Variants in FAM184B observed in about 807,000 individuals in gnomAD.
The protein encoded by FAM184B is family with sequence similarity 184 member B, also known as protein FAM184B.
In FAM184B, 111 loss-of-function variants were observed where a neutral mutation model predicts 135.9. That is an observed-to-expected ratio of 0.82 (90% CI 0.70 to 0.96). The LOEUF (loss-of-function observed/expected upper bound fraction) is 0.96. Ranked by LOEUF, FAM184B falls within the 40% of genes least tolerant of loss-of-function variation. The pLI is 0.00. For missense variants in FAM184B, 1,375 were observed against 1,323.9 expected, an observed-to-expected ratio of 1.04 and a Z score of -0.60; for synonymous variants, 552 against 524.8, an observed-to-expected ratio of 1.05 and a Z score of -0.71.
At chr4:17,674,995 T>A (rs1487009184) in intron 7 of FAM184B, among the ~76,000 whole-genome samples, 1 of 152,204 alleles carries the variant, frequency 6.6e-6, no homozygotes, top group East Asian at 1.9e-4. Flanking sequence ...TTGTTGTTTT[T>A]TATCTCCTCC....
Position 17,645,264 on chromosome 4 carries a change from G to A in FAM184B, c.2346+2373C>T, listed in dbSNP as rs542976786. ...ATGGATCCAAAAAAGAGCCTGCGTC[G>A]CCAAGTCAATCCTAAGCCAAAAGAA... On this transcript the variant is annotated intron_variant, in intron 12 of 17. Coordinates refer to ENST00000265018, the MANE Select transcript of FAM184B (RefSeq NM_015688.2). 2.4e-4 allele frequency among the ~76,000 whole-genome samples: 37 copies of A among 152,222 alleles called. 1 individual carries two copies. In the South Asian group the frequency reaches 2.7e-3, roughly 11 times the overall value.
intron 1 of FAM184B, among the ~76,000 whole-genome samples, chr4:17,763,201 C>T (rs1718584038): frequency 1.3e-5 from 2 of 152,144 alleles, no homozygotes; most frequent in African/African-American, 4.8e-5. Context: ...GGATACTGGA[C>T]AGTCCTTTTG....
At position 17,664,675 on chromosome 4, in the gene FAM184B, AAAAAG is replaced by A. The variant is rs1476262831; in HGVS notation, c.1597-21_1597-17del. 2.8e-5 allele frequency: 42 copies of A among 1,507,650 alleles called. No homozygotes were observed. In the East Asian group the frequency reaches 4.7e-4, roughly 17 times the overall value. The allele number at this position is 1,507,650 out of a possible 1,614,324, so 93.4% of individuals were successfully genotyped here. On this transcript the variant is annotated splice_polypyrimidine_tract_variant and intron_variant, in intron 7 of 17. Transcript: ENST00000265018. ...AGCATGGATCCTAAGGCCAAAAAAG[AAAAAG>A]AAAAAAAAAAAAAAGGCAAGATGAG...
At chr4:17,684,195 G>A (rs13133394) in intron 7 of FAM184B, among the ~76,000 whole-genome samples, 138,196 of 145,498 alleles carry the variant, frequency 0.95, 65,907 homozygotes, top group East Asian at 1. Flanking sequence ...ATATAAAATA[G>A]TTATATAAAA....
chr4:17,708,709 A>G (rs1217258161), intron 2 of FAM184B, among the ~76,000 whole-genome samples, 183 bp downstream of exon 2: 524 of 38,858 alleles, frequency 0.013, 52 homozygotes, highest in African/African-American at 0.048. Context: ...ATATATATAT[A>G]GTGTCTGTGT....
At chr4:17,664,136 A>C (rs989446400) in intron 8 of FAM184B, among the ~76,000 whole-genome samples, 1 of 152,174 alleles carries the variant, frequency 6.6e-6, no homozygotes, top group Non-Finnish European at 1.5e-5. Context: ...TATGAGCTAA[A>C]TCTTTGATAT....
intron 1 of FAM184B, among the ~76,000 whole-genome samples, chr4:17,720,883 T>TAAAAAAAAAAA (rs59409749): frequency 2.0e-5 from 2 of 100,328 alleles, no homozygotes; most frequent in South Asian, 3.4e-4. Flanking sequence ...AGACTTCATC[T>TAAAAAAAAAAA]AAAAAAAAAA....
rs1013116624 is a variant in FAM184B, at chr4:17,781,560, G to C, written c.-261C>G. ...CACCCGCACCCTGCGGCGAGGCGTC[G>C]GCGCCCCGCACGTGCCGCTGGCGAT... is the stretch of plus-strand genomic sequence containing the variant. On this transcript the variant is annotated 5_prime_UTR_variant, in exon 1 of 18. Transcript: ENST00000265018. The surrounding 1 kb of genome is among the most constrained non-coding windows in gnomAD (Gnocchi z 6.5). The C allele has an allele frequency of 2.2e-5, 9 of 415,136 alleles. No homozygotes were observed. The highest frequency in any genetic ancestry group is 3.4e-5 in the Non-Finnish European group (8 of 235,148). 25.7% of individuals were successfully genotyped at this position (415,136 alleles called of 1,614,324 possible).
chr4:17,779,190 C>A (rs1718987097), intron 1 of FAM184B, among the ~76,000 whole-genome samples: 1 of 152,076 alleles, frequency 6.6e-6, no homozygotes, highest in African/African-American at 2.4e-5. Flanking sequence ...GGAAGAAGAG[C>A]CCAAATATAT....
At chr4:17,739,489 C>A (rs973077956) in intron 1 of FAM184B, among the ~76,000 whole-genome samples, 1 of 149,356 alleles carries the variant, frequency 6.7e-6, no homozygotes, top group African/African-American at 2.5e-5. Flanking sequence ...TAAGCCAGGG[C>A]AGCATGGCAG....
At chr4:17,724,769 G>A (rs545628538) in intron 1 of FAM184B, among the ~76,000 whole-genome samples, 38 of 152,274 alleles carry the variant, frequency 2.5e-4, no homozygotes, top group African/African-American at 8.9e-4. Context: ...TCACAACAAC[G>A]GTAAGAAGAT....
At chr4:17,688,570 G>A in intron 6 of FAM184B, 39 bp from the exon 7 acceptor site, 1 of 1,436,634 alleles carries the variant, frequency 7.0e-7, no homozygotes, top group Non-Finnish European at 9.5e-7. Context: ...AATGAAACCA[G>A]GTTCTACCTC....
intron 1 of FAM184B, among the ~76,000 whole-genome samples, chr4:17,741,689 T>C (rs183701656): frequency 9.3e-4 from 142 of 152,028 alleles, no homozygotes; most frequent in African/African-American, 3.3e-3. Context: ...CAAGACTCCA[T>C]CTCAAAAACA....
rs538318762 is a variant in FAM184B, at chr4:17,654,366, T to G, written c.2038-1383A>C. ...TTTTAAACTCTTTTTTATATATATA[T>G]AGAGGGAGGGTCTCACTATGTTACC... is the stretch of plus-strand genomic sequence containing the variant. On this transcript the variant is annotated intron_variant, in intron 10 of 17. Transcript: ENST00000265018. 2.8e-4 allele frequency among the ~76,000 whole-genome samples: 42 copies of G among 152,202 alleles called. 1 individual carries two copies. Among genetic ancestry groups the G allele is most frequent in the African/African-American group, 9.4e-4 (39 of 41,538 alleles).
chr4:17,704,737 C>T (rs1420021169), intron 5 of FAM184B, among the ~76,000 whole-genome samples: 2 of 152,182 alleles, frequency 1.3e-5, no homozygotes, highest in African/African-American at 4.8e-5. Flanking sequence ...CAATTCCACC[C>T]CATGTCAATG....
chr4:17,636,581 C>T lies in FAM184B; in HGVS notation c.2731G>A (p.Gly911Ser), dbSNP rs1451181271. 1.9e-6 allele frequency: 3 copies of T among 1,551,202 alleles called. No individual in the cohort carries two copies. Among genetic ancestry groups the T allele is most frequent in the Non-Finnish European group, 1.7e-6 (2 of 1,146,974 alleles). The change falls in exon 15 of 18, where the codon GGC (glycine) becomes AGC (serine). Residue 911 changes from glycine to serine, a missense_variant. By Grantham distance (56) the Gly-to-Ser change is moderately conservative. Transcript: ENST00000265018. The stretch of plus-strand genomic sequence containing the variant: ...TCCTTCAGGCGGGTCTGCAGGCGGC[C>T]AATGAGCTGAAGGTCCTCGGGCCTG... ...ASRPEDLQLIGRLQTRLKERE... is the reference protein window; with the variant it reads ...ASRPEDLQLISRLQTRLKERE...
chr4:17,633,544 A>G, intron 17 of FAM184B, 145 bp downstream of exon 17: 1 of 716,914 alleles, frequency 1.4e-6, no homozygotes, highest in East Asian at 3.1e-5. Context: ...TGAAGTTTTC[A>G]GGTAAGTGAT....
rs1718546944 is a variant in FAM184B at position 17,761,567 on chromosome 4, C to T, written c.141+19592G>A. The stretch of plus-strand genomic sequence containing the variant: ...GGCCAACTATAATGACATAATGTTG[C>T]CCAGCCTAGAGTGCAGTGGCACGAT... On this transcript the variant is annotated intron_variant, in intron 1 of 17. Coordinates refer to ENST00000265018, the MANE Select transcript of FAM184B (RefSeq NM_015688.2). Among the ~76,000 whole-genome samples, 3 of 152,240 alleles carry T rather than the reference C, an allele frequency of 2.0e-5. No individual in the cohort carries two copies. In the South Asian group the frequency reaches 6.2e-4, roughly 31 times the overall value.
chr4:17,716,958 T>C (rs1047450645), intron 1 of FAM184B, among the ~76,000 whole-genome samples: 4 of 152,078 alleles, frequency 2.6e-5, no homozygotes, highest in Non-Finnish European at 4.4e-5. Flanking sequence ...TAAAGGCACA[T>C]GCCACCATAC....
Sources: allele counts gnomAD v4.1 joint callset (sites outside exome capture counted in the v4.1 genomes callset), GRCh38; gene constraint gnomAD v4.1.1; non-coding constraint Gnocchi (gnomAD v3.1); transcripts MANE v1.5; gene names NCBI Gene and HGNC (gene_info 2026-07-23, HGNC 2026-07-21).